NHEJ1: variants seen among roughly 807,000 people sequenced by gnomAD.
The protein encoded by NHEJ1 is non-homologous end-joining factor 1.
A neutral mutation model predicts 39.4 loss-of-function variants in NHEJ1; 22 were observed. That is an observed-to-expected ratio of 0.56 (90% confidence interval 0.40 to 0.80). NHEJ1 has a LOEUF of 0.80. NHEJ1 is among the 30% of genes least tolerant of loss of function. NHEJ1 has a pLI of 0.00. For missense variants in NHEJ1, 329 were observed against 357.1 expected (o/e 0.92, Z 0.63); for synonymous variants, 154 against 135.6 (o/e 1.14, Z -0.94).
intron 5 of NHEJ1, among the ~76,000 whole-genome samples, chr2:219,134,539 C>T (rs888792525): frequency 6.6e-6 from 1 of 151,800 alleles, no homozygotes; most frequent in Non-Finnish European, 1.5e-5. Context: ...ATGACTATTC[C>T]CCATATCTCA....
rs188825260 is a variant in NHEJ1, at chr2:219,147,408, C to T, written c.529+249G>A. On this transcript the variant is annotated intron_variant, in intron 4 of 7. Transcript: ENST00000356853. ...GAGGCAGGAGACTCGCTTGAGCCCA[C>T]GAGGCGGAAGTTGCAGTGAGCTGAG... 6.3e-3 allele frequency among the ~76,000 whole-genome samples: 959 copies of T among 152,258 alleles called. 8 individuals carry two copies. Among genetic ancestry groups the T allele is most frequent in the African/African-American group, 0.022 (918 of 41,544 alleles).
At chr2:219,124,046 C>G (rs1291198590) in intron 5 of NHEJ1, among the ~76,000 whole-genome samples, 2 of 152,174 alleles carry the variant, frequency 1.3e-5, no homozygotes, top group Non-Finnish European at 2.9e-5. Flanking sequence ...CTAGCAATGG[C>G]AGCCCCCAGC....
chr2:219,095,848 A>C (rs1949203424), intron 5 of NHEJ1, among the ~76,000 whole-genome samples: 1 of 152,152 alleles, frequency 6.6e-6, no homozygotes, highest in Admixed American at 6.5e-5. Context: ...CCATTTGACA[A>C]CATCTGAATT....
intron 5 of NHEJ1, among the ~76,000 whole-genome samples, chr2:219,130,405 C>T (rs1949566940): frequency 6.6e-6 from 1 of 152,116 alleles, no homozygotes; most frequent in Non-Finnish European, 1.5e-5. Context: ...AACCAGTCCT[C>T]AGACCCAGAG....
In NHEJ1 at chr2:219,076,240, C is replaced by G. The variant is rs2106318767; in HGVS notation, c.*141G>C. The G allele has an allele frequency of 6.5e-7, 1 of 1,544,054 alleles. No homozygotes were observed. The highest frequency in any genetic ancestry group is 8.7e-7 in the Non-Finnish European group (1 of 1,143,802). The stretch of plus-strand genomic sequence containing the variant: ...CAATTCCCTGTGGGCCTGTCAACAT[C>G]AACTTCAGTTCTCTCGCCCTTACAG... On this transcript the variant is annotated 3_prime_UTR_variant, in exon 8 of 8. Transcript: ENST00000356853.
In NHEJ1 at chr2:219,137,591, AAC is replaced by A. The variant is rs1419719429; in HGVS notation, c.588+9087_588+9088del. Reference sequence around the variant, plus strand: ...CAGGCAAAAAAAAAAAAAAAAAAAAAACAAAAAAAACTGAAAACCACCTTCAG... The same window carrying A: ...CAGGCAAAAAAAAAAAAAAAAAAAAAAAAAAAAACTGAAAACCACCTTCAG... On this transcript the variant is annotated intron_variant, in intron 5 of 7. Transcript: ENST00000356853. 7.5e-3 allele frequency among the ~76,000 whole-genome samples: 1,025 copies of A among 137,330 alleles called. 61 individuals carry two copies. Among genetic ancestry groups the A allele is most frequent in the African/African-American group, 0.026 (962 of 37,152 alleles). The allele number at this position is 137,330 out of a possible 152,430, so 90.1% of individuals were successfully genotyped here.
chr2:219,098,664 A>G (rs1422403579), intron 5 of NHEJ1, among the ~76,000 whole-genome samples: 5 of 152,192 alleles, frequency 3.3e-5, no homozygotes, highest in African/African-American at 4.8e-5. Context: ...AATTGAAACT[A>G]GGCAGGCTGG....
intron 5 of NHEJ1, among the ~76,000 whole-genome samples, chr2:219,131,931 C>A (rs1386841722): frequency 6.6e-6 from 1 of 152,254 alleles, no homozygotes; most frequent in Non-Finnish European, 1.5e-5. Context: ...GCAAGGCAAT[C>A]TGACATGATG....
intron 5 of NHEJ1, among the ~76,000 whole-genome samples, chr2:219,142,930 G>C (rs1393501784): frequency 6.6e-6 from 1 of 152,222 alleles, no homozygotes; most frequent in African/African-American, 2.4e-5. Context: ...GAGGCTCTTA[G>C]ACAGAGTGGA....
rs1044869994 is a variant in NHEJ1, at chr2:219,070,132, T to C, written c.*6249A>G. On this transcript the variant is annotated 3_prime_UTR_variant, in exon 8 of 8. Transcript: ENST00000356853. ...GCCTGTGTTCAATAAGCCCACAATC[T>C]GCCACAGCCTCCGGAGTACCTGGGA... Among the ~76,000 whole-genome samples the C allele has an allele frequency of 6.6e-6, 1 of 152,222 alleles. No individual in the cohort carries two copies. Among genetic ancestry groups the C allele is most frequent in the African/African-American group, 2.4e-5 (1 of 41,462 alleles).
chr2:219,085,191 A>T (rs11676741), intron 5 of NHEJ1, among the ~76,000 whole-genome samples: 73,246 of 152,176 alleles, frequency 0.48, 22,189 homozygotes, highest in Non-Finnish European at 0.66. Flanking sequence ...CTGAGAGAAA[A>T]AACTACTAGG....
chr2:219,096,803 G>A (rs1030157624), intron 5 of NHEJ1, among the ~76,000 whole-genome samples: 1 of 152,162 alleles, frequency 6.6e-6, no homozygotes, highest in Non-Finnish European at 1.5e-5. Flanking sequence ...GACAAAGGTG[G>A]TAAGAGATGA....
At chr2:219,118,406 A>C (rs1057160728) in intron 5 of NHEJ1, among the ~76,000 whole-genome samples, 1 of 152,086 alleles carries the variant, frequency 6.6e-6, no homozygotes, top group Admixed American at 6.5e-5. Context: ...TGGGGTCCAA[A>C]ATGCTCTGCC....
In NHEJ1 at chr2:219,146,738, T is replaced by C; in HGVS notation, c.530A>G (p.Asp177Gly). Residue 177 changes from aspartate to glycine, a missense_variant and splice_region_variant, in exon 5 of 8, where the codon GAT (aspartate) becomes GGT (glycine). Physicochemically the swap from Asp to Gly is moderately conservative, Grantham distance 94. Transcript: ENST00000356853. ...TTCAAATGGTTCTGTCTTCAATCGA[T>C]CTGTAATAAGAAGGATCAGAAAAAA... ...YQESGATLIR[D>G]RLKTEPFEEN... 3.1e-6 allele frequency: 5 copies of C among 1,608,170 alleles called. No homozygotes were observed. The highest frequency in any genetic ancestry group is 4.3e-6 in the Non-Finnish European group (5 of 1,174,642).
chr2:219,074,447 A>G lies in NHEJ1; in HGVS notation c.*1934T>C, dbSNP rs143914488. Among the ~76,000 whole-genome samples, 61 of 152,290 alleles carry G rather than the reference A, an allele frequency of 4.0e-4. No individual in the cohort carries two copies. The East Asian group carries it at 0.012, about 29-fold the overall frequency. On this transcript the variant is annotated 3_prime_UTR_variant, in exon 8 of 8. Coordinates refer to ENST00000356853, the MANE Select transcript of NHEJ1 (RefSeq NM_024782.3). The stretch of plus-strand genomic sequence containing the variant: ...ATCTGACTATCTAAATTATGCTGAA[A>G]AGAAACGAAAGATCGGCCAGGCACA...
At chr2:219,086,135 A>G (rs1243473749) in intron 5 of NHEJ1, among the ~76,000 whole-genome samples, 1 of 152,210 alleles carries the variant, frequency 6.6e-6, no homozygotes. Flanking sequence ...ATTTTGACAC[A>G]TTACTGCAAT....
chr2:219,150,329 A>G (rs1207584126), intron 3 of NHEJ1, among the ~76,000 whole-genome samples: 1 of 152,200 alleles, frequency 6.6e-6, no homozygotes, highest in Non-Finnish European at 1.5e-5. Context: ...AAAGCCAGAA[A>G]TAAAGTCCAG....
chr2:219,113,323 G>A (rs935104384), intron 5 of NHEJ1, among the ~76,000 whole-genome samples: 5 of 152,124 alleles, frequency 3.3e-5, no homozygotes, highest in African/African-American at 1.2e-4. Flanking sequence ...CACCAAATAC[G>A]TGCTGAAGCA....
chr2:219,120,165 T>C lies in NHEJ1; in HGVS notation c.588+26515A>G, dbSNP rs114538256. Among the ~76,000 whole-genome samples the C allele has an allele frequency of 1.6e-3, 250 of 152,318 alleles. 1 individual carries two copies. The highest frequency in any genetic ancestry group is 5.4e-3 in the African/African-American group (226 of 41,562). On this transcript the variant is annotated intron_variant, in intron 5 of 7. Transcript: ENST00000356853. ...CACTCTGGGCAAACATTCTAATATG[T>C]AGTAAGTTCACTGAGCAGTCACTTC...
Sources: allele counts gnomAD v4.1 joint callset (sites outside exome capture counted in the v4.1 genomes callset), GRCh38; gene constraint gnomAD v4.1.1; transcripts MANE v1.5; gene names NCBI Gene and HGNC (gene_info 2026-07-23, HGNC 2026-07-21).